The following KLHL4 variants were observed in gnomAD, a reference collection of about 807,000 sequenced individuals.
KLHL4 encodes the protein kelch like family member 4, also known as kelch-like protein 4.
In KLHL4, 17 loss-of-function variants were observed where a neutral mutation model predicts 45.8. The observed-to-expected ratio is 0.37, with a 90% confidence interval of 0.25 to 0.56. The LOEUF (loss-of-function observed/expected upper bound fraction) is 0.56. Among genes scored for constraint, KLHL4 ranks in the 20% least tolerant of loss-of-function variants. KLHL4 has a pLI of 0.79. For synonymous variants in KLHL4, 224 were observed against 189.9 expected (o/e 1.18, Z -1.47); for missense variants, 544 against 544.9 (o/e 1.00, Z 0.02).
rs201182241 is a variant in KLHL4, at chrX:87,592,951, G to A, written c.423-20926G>A. 2.7e-5 allele frequency among the ~76,000 whole-genome samples: 3 copies of A among 111,569 alleles called. No homozygotes were observed. The East Asian group carries it at 8.5e-4, about 31-fold the overall frequency. ...CCCACTTGCCTATTCTTAAAGAATG[G>A]TATGGCTAGATACAGACTTCTTGTT... On this transcript the variant is annotated intron_variant, in intron 1 of 10. Transcript: ENST00000373119.
intron 9 of KLHL4, among the ~76,000 whole-genome samples, chrX:87,646,401 A>C (rs1303486354): frequency 9.0e-6 from 1 of 111,522 alleles, no homozygotes; most frequent in African/African-American, 3.3e-5. Context: ...CAATTCTAAA[A>C]TTCCTATGAA....
chrX:87,639,092 A>C (rs1481429063), intron 9 of KLHL4, among the ~76,000 whole-genome samples: 1 of 111,806 alleles, frequency 8.9e-6, no homozygotes, highest in African/African-American at 3.2e-5. Context: ...ACAGTTAAAA[A>C]AGACAAAGAG....
At chrX:87,582,708 GT>G (rs1464665765) in intron 1 of KLHL4, among the ~76,000 whole-genome samples, 2 of 112,038 alleles carry the variant, frequency 1.8e-5, no homozygotes, top group Non-Finnish European at 3.8e-5. Context: ...TGTGTCCAGA[GT>G]TGGTTCCTTC....
chrX:87,546,140 G>A (rs1399817005), intron 1 of KLHL4, among the ~76,000 whole-genome samples: 1 of 112,092 alleles, frequency 8.9e-6, no homozygotes, highest in Non-Finnish European at 1.9e-5. Context: ...TAACTAATGA[G>A]GAGCCAAACG....
chrX:87,576,114 T>G (rs1001244234), intron 1 of KLHL4, among the ~76,000 whole-genome samples: 3 of 111,453 alleles, frequency 2.7e-5, no homozygotes, highest in Non-Finnish European at 5.7e-5. Flanking sequence ...ACTATGATAT[T>G]GGAAAGTAAT....
chrX:87,591,907 T>A (rs1851493515), intron 1 of KLHL4, among the ~76,000 whole-genome samples: 1 of 111,486 alleles, frequency 9.0e-6, no homozygotes, highest in Admixed American at 9.6e-5. Flanking sequence ...AATGAGTTGT[T>A]ATTTACTGCA....
intron 3 of KLHL4, among the ~76,000 whole-genome samples, chrX:87,617,039 G>T (rs2147815348): frequency 9.0e-6 from 1 of 111,368 alleles, no homozygotes; most frequent in South Asian, 3.7e-4. Flanking sequence ...TTATAACTTG[G>T]CTAAAACAAT....
At chrX:87,568,665 T>TA (rs967505614) in intron 1 of KLHL4, among the ~76,000 whole-genome samples, 1 of 110,530 alleles carries the variant, frequency 9.0e-6, no homozygotes, top group Non-Finnish European at 1.9e-5. Flanking sequence ...ACCAACAAAA[T>TA]AAAAAAGAAG....
chrX:87,523,987 A>G (rs954357706), intron 1 of KLHL4, among the ~76,000 whole-genome samples: 1 of 111,490 alleles, frequency 9.0e-6, no homozygotes, highest in Admixed American at 9.6e-5. Context: ...ATAAAAATAA[A>G]TAAATAAATG....
intron 8 of KLHL4, among the ~76,000 whole-genome samples, chrX:87,634,793 G>C (rs760981237): frequency 1.2e-4 from 13 of 111,631 alleles, no homozygotes; most frequent in Non-Finnish European, 1.7e-4. Flanking sequence ...ATAATGTCAA[G>C]TGATTCAGTT....
intron 8 of KLHL4, among the ~76,000 whole-genome samples, chrX:87,635,345 G>C (rs748140223): frequency 1.8e-5 from 2 of 111,363 alleles, no homozygotes; most frequent in Non-Finnish European, 3.8e-5. Flanking sequence ...GGGAGATTTG[G>C]GTTGGGATAG....
intron 1 of KLHL4, among the ~76,000 whole-genome samples, chrX:87,605,380 C>A (rs898451332): frequency 1.8e-5 from 2 of 110,956 alleles, no homozygotes; most frequent in Non-Finnish European, 3.8e-5. Context: ...AAAATTAATT[C>A]TTTCAATCTG....
intron 1 of KLHL4, among the ~76,000 whole-genome samples, chrX:87,552,263 C>A (rs1008689915): frequency 1.8e-5 from 2 of 110,899 alleles, no homozygotes; most frequent in Non-Finnish European, 1.9e-5. Flanking sequence ...AAAGAAGATA[C>A]ACAAATGGCC....
At chrX:87,632,957 G>A (rs1923146551) in intron 7 of KLHL4, among the ~76,000 whole-genome samples, 2 of 111,230 alleles carry the variant, frequency 1.8e-5, no homozygotes, top group African/African-American at 6.5e-5. Context: ...AGCAGATCCA[G>A]GAATGGTATT....
Position 87,664,856 on chromosome X carries a change from A to G in KLHL4, c.2018A>G (p.Tyr673Cys). ...GTGTGCCCTCTTGGAGACAAACTCT[A>G]CGTGGTTGGAGGATATGACGGACAT... ...VAVCPLGDKL[Y>C]VVGGYDGHTY... The change falls in exon 10 of 11, where the codon TAC becomes TGC. Residue 673 changes from tyrosine to cysteine, a missense_variant. By Grantham distance (194) the Tyr-to-Cys change is radical (BLOSUM62 -2). Coordinates refer to ENST00000373119, the MANE Select transcript of KLHL4 (RefSeq NM_019117.5). 1 of 1,199,323 alleles carries G rather than the reference A, an allele frequency of 8.3e-7. No individual in the cohort carries two copies. The highest frequency in any genetic ancestry group is 2.3e-4 in the Middle Eastern group (1 of 4,320).
intron 1 of KLHL4, among the ~76,000 whole-genome samples, chrX:87,573,238 C>A (rs1015314243): frequency 9.0e-6 from 1 of 111,190 alleles, no homozygotes; most frequent in Non-Finnish European, 1.9e-5. Flanking sequence ...GCACAGATCC[C>A]TGGGCCATAC....
At chrX:87,560,693 A>C (rs1932078267) in intron 1 of KLHL4, among the ~76,000 whole-genome samples, 1 of 111,758 alleles carries the variant, frequency 8.9e-6, no homozygotes, top group Non-Finnish European at 1.9e-5. Flanking sequence ...TATAAGTGGA[A>C]TCATGTAGCA....
chrX:87,539,982 T>C (rs1218847778), intron 1 of KLHL4, among the ~76,000 whole-genome samples: 2 of 112,052 alleles, frequency 1.8e-5, no homozygotes, highest in Non-Finnish European at 3.8e-5. Flanking sequence ...ATTATATAGC[T>C]ACAAACCTGT....
intron 1 of KLHL4, among the ~76,000 whole-genome samples, chrX:87,598,975 A>C (rs1249461160): frequency 9.0e-6 from 1 of 111,273 alleles, no homozygotes; most frequent in African/African-American, 3.3e-5. Flanking sequence ...CTTATGTGAG[A>C]TCCAGAAATA....
Sources: allele counts gnomAD v4.1 joint callset (sites outside exome capture counted in the v4.1 genomes callset), GRCh38; gene constraint gnomAD v4.1.1; transcripts MANE v1.5; gene names NCBI Gene and HGNC (gene_info 2026-07-23, HGNC 2026-07-21).